Variants in ZDHHC20 observed in about 807,000 individuals in gnomAD.
ZDHHC20 encodes the protein zDHHC palmitoyltransferase 20.
ZDHHC20 carries 43 observed loss-of-function variants against 57.8 expected under a neutral mutation model. The observed-to-expected ratio is 0.74, with a 90% CI of 0.58 to 0.96. ZDHHC20 has a LOEUF of 0.96. ZDHHC20 is among the 40% of genes least tolerant of loss of function. ZDHHC20 has a pLI of 0.00. For synonymous variants in ZDHHC20, 157 were observed against 153.0 expected (o/e 1.03, Z -0.19); for missense variants, 391 against 441.1 (o/e 0.89, Z 1.02).
chr13:21,403,241 A>T lies in ZDHHC20; in HGVS notation c.371-375T>A, dbSNP rs142758662. On this transcript the variant is annotated intron_variant, in intron 4 of 12. Transcript: ENST00000400590. ...AATGCCTACAGTAATATCAAAATTT[A>T]GACTTTTAAGGCATCCTGTGGGATT... Among the ~76,000 whole-genome samples the T allele has an allele frequency of 2.3e-3, 344 of 152,208 alleles. 3 individuals carry two copies. Among genetic ancestry groups the T allele is most frequent in the African/African-American group, 7.8e-3 (325 of 41,524 alleles).
intron 4 of ZDHHC20, among the ~76,000 whole-genome samples, chr13:21,411,013 G>C (rs1879137899): frequency 6.6e-6 from 1 of 152,212 alleles, no homozygotes; most frequent in African/African-American, 2.4e-5. Context: ...GGAATCTCCT[G>C]GTCTGTGGGT....
intron 7 of ZDHHC20, among the ~76,000 whole-genome samples, chr13:21,394,607 T>C (rs1876435540): frequency 6.6e-6 from 1 of 152,232 alleles, no homozygotes; most frequent in Non-Finnish European, 1.5e-5. Context: ...AGTCTTTTTT[T>C]ACTCAGAATT....
Position 21,375,349 on chromosome 13 carries a change from GTGT to G in ZDHHC20, c.*1344_*1346del. ...GAAGCAATCAATTATTTTGGGGGGG[GTGT>G]GTGTGTGTGTGTGTCTGTCTGTCTA... On this transcript the variant is annotated 3_prime_UTR_variant, in exon 13 of 13. Coordinates refer to ENST00000400590, the MANE Select transcript of ZDHHC20 (RefSeq NM_001330059.2). The G allele has an allele frequency of 7.4e-6, 2 of 271,528 alleles. No individual in the cohort carries two copies. The highest frequency in any genetic ancestry group is 7.3e-6 in the Non-Finnish European group (1 of 137,152). 16.8% of individuals were successfully genotyped at this position (271,528 alleles called of 1,614,324 possible).
rs940587177 is a variant in ZDHHC20 at position 21,457,682 on chromosome 13, A to G, written c.118+1372T>C. Among the ~76,000 whole-genome samples, 7 of 152,228 alleles carry G rather than the reference A, an allele frequency of 4.6e-5. No homozygotes were observed. In the South Asian group the frequency reaches 1.2e-3, roughly 27 times the overall value. On this transcript the variant is annotated intron_variant, in intron 1 of 12. Coordinates refer to ENST00000400590, the MANE Select transcript of ZDHHC20 (RefSeq NM_001330059.2). ...TTTTAAAACTGGATGTTTTAATTTC[A>G]AAACTTATAAATTTTCTGAGCCAAA...
chr13:21,378,737 C>A lies in ZDHHC20; in HGVS notation c.1062G>T (p.Gly354=). The A allele has an allele frequency of 2.1e-6, 3 of 1,437,116 alleles. No individual in the cohort carries two copies. Among genetic ancestry groups the A allele is most frequent in the South Asian group, 1.6e-5 (1 of 62,030 alleles). The allele number at this position is 1,437,116 out of a possible 1,614,324, so 89.0% of individuals were successfully genotyped here. A position where few individuals can be genotyped will look rare whatever the true frequency, so the allele number is the denominator to read the frequency against. The change falls in exon 12 of 13, where the codon GGG becomes GGT. Residue 354 remains glycine, a splice_region_variant and synonymous_variant. Transcript: ENST00000400590. ...TTGCCACTGTTACATGGTTATTTGT[C>A]CCTGTAAGCATATAATTATATATGA... is the stretch of plus-strand genomic sequence containing the variant. ...NGAEEGIVKS[G]TNNHVTVAIE...
chr13:21,430,268 C>T (rs902425722), intron 1 of ZDHHC20, among the ~76,000 whole-genome samples: 24 of 151,992 alleles, frequency 1.6e-4, no homozygotes, highest in African/African-American at 5.6e-4. Context: ...AGGTGGGAGT[C>T]CAAGTCCCAG....
intron 3 of ZDHHC20, among the ~76,000 whole-genome samples, chr13:21,416,327 C>T (rs1330895953): frequency 1.3e-5 from 2 of 151,836 alleles, no homozygotes; most frequent in Non-Finnish European, 2.9e-5. Context: ...TCAAACAGAT[C>T]ATAATTTTGA....
chr13:21,376,703 C>T (rs1308742941), intron 12 of ZDHHC20, 48 bp from the exon 13 acceptor site: 3 of 1,261,784 alleles, frequency 2.4e-6, no homozygotes, highest in Non-Finnish European at 3.2e-6. Context: ...TTTTTTATTT[C>T]TGAAAATATT....
rs1873688119 is a variant in ZDHHC20, at chr13:21,382,926, G to A, written c.938C>T (p.Ala313Val). ...QASVTNQNEY[A>V]RSSGSNQPFP... ...ATAAGGACAATAAGCATACCTTCTG[G>A]CATACTCATTCTGGTTTGTAACAGA... The change falls in exon 10 of 13, where the codon GCC (alanine) becomes GTC (valine). Residue 313 changes from alanine (A) to valine (V), a missense_variant. This residue lies in a region of ZDHHC20 where 197 missense variants were observed against 220.8 expected (regional missense o/e 0.89). Coordinates refer to ENST00000400590, the MANE Select transcript of ZDHHC20 (RefSeq NM_001330059.2). The A allele has an allele frequency of 6.4e-7, 1 of 1,557,862 alleles. No individual in the cohort carries two copies. The highest frequency in any genetic ancestry group is 1.2e-5 in the South Asian group (1 of 84,320).
chr13:21,414,323 T>C (rs527474838), intron 3 of ZDHHC20, among the ~76,000 whole-genome samples: 2 of 150,520 alleles, frequency 1.3e-5, no homozygotes, highest in East Asian at 2.0e-4. Context: ...AAGGCAAGCA[T>C]AGTTGCCTTT....
In ZDHHC20 at chr13:21,421,153, C is replaced by T. The variant is rs1393831575; in HGVS notation, c.157G>A (p.Val53Ile). 1.2e-6 allele frequency: 2 copies of T among 1,612,792 alleles called. No individual in the cohort carries two copies. The highest frequency in any genetic ancestry group is 1.7e-6 in the Non-Finnish European group (2 of 1,179,424). The change falls in exon 3 of 13, where the codon GTT becomes ATT. Residue 53 changes from valine (V) to isoleucine (I), a missense_variant. Val to Ile is a conservative substitution (Grantham distance 29). This residue lies in a region of ZDHHC20 where 185 missense variants were observed against 188.0 expected (regional missense o/e 0.98). Transcript: ENST00000400590. ...FGNEENGKTV[V>I]YLVAFHLFFV... Reference sequence around the variant, plus strand: ...AACAGATGGAAAGCCACAAGGTAAACAACGGTCTTTCCTGGTAAATAAAAA... The same window carrying T: ...AACAGATGGAAAGCCACAAGGTAAATAACGGTCTTTCCTGGTAAATAAAAA...
chr13:21,440,629 A>AGT (rs764333057), intron 1 of ZDHHC20, among the ~76,000 whole-genome samples: 309 of 115,566 alleles, frequency 2.7e-3, no homozygotes, highest in East Asian at 0.012. Context: ...ACAAACAAAA[A>AGT]GTGTGTGTGT....
chr13:21,423,537 A>G (rs1880888887), intron 2 of ZDHHC20, among the ~76,000 whole-genome samples: 1 of 152,030 alleles, frequency 6.6e-6, no homozygotes, highest in South Asian at 2.1e-4. Context: ...AGCTGGGCGT[A>G]GTGGTGCACA....
rs551827342 is a variant in ZDHHC20, at chr13:21,382,667, A to C, written c.944+253T>G. Among the ~76,000 whole-genome samples the C allele has an allele frequency of 2.0e-5, 3 of 152,316 alleles. No homozygotes were observed. In the East Asian group the frequency reaches 5.8e-4, roughly 29 times the overall value. ...CAGACATTTCCAGCTTTATTTGATT[A>C]TCCTGGTTTAACTATTAATAAACAA... On this transcript the variant is annotated intron_variant, in intron 10 of 12. Transcript: ENST00000400590.
chr13:21,426,121 G>A (rs1346051613), intron 1 of ZDHHC20, among the ~76,000 whole-genome samples: 2 of 152,152 alleles, frequency 1.3e-5, no homozygotes, highest in African/African-American at 4.8e-5. Flanking sequence ...AACTTACCCT[G>A]CTAATTTTTA....
intron 1 of ZDHHC20, among the ~76,000 whole-genome samples, chr13:21,427,757 C>T (rs1006051790): frequency 6.6e-6 from 1 of 151,134 alleles, no homozygotes; most frequent in Non-Finnish European, 1.5e-5. Flanking sequence ...ATCACTTGAA[C>T]CCAGGGGGCA....
intron 12 of ZDHHC20, 48 bp from the exon 13 acceptor site, chr13:21,376,703 CT>C: frequency 3.2e-6 from 4 of 1,261,902 alleles, no homozygotes; most frequent in Non-Finnish European, 4.3e-6. Flanking sequence ...TTTTTTATTT[CT>C]GAAAATATTT....
At chr13:21,395,476 A>G (rs1472919356) in intron 7 of ZDHHC20, among the ~76,000 whole-genome samples, 2 of 146,928 alleles carry the variant, frequency 1.4e-5, no homozygotes, top group African/African-American at 5.0e-5. Context: ...TATATAAACC[A>G]TATTTTCTTC....
Position 21,402,790 on chromosome 13 carries a change from C to T in ZDHHC20, c.440+7G>A. 1 of 1,592,508 alleles carries T rather than the reference C, an allele frequency of 6.3e-7. No individual in the cohort carries two copies. Among genetic ancestry groups the T allele is most frequent in the Non-Finnish European group, 8.6e-7 (1 of 1,168,902 alleles). The stretch of plus-strand genomic sequence containing the variant: ...AGATATTAAGCATATGTGTGAGTAA[C>T]ACTTACGAGTCACAGGCTGAGCAGT... On this transcript the variant is annotated splice_region_variant and intron_variant, in intron 5 of 12. Transcript: ENST00000400590.
Sources: allele counts gnomAD v4.1 joint callset (sites outside exome capture counted in the v4.1 genomes callset), GRCh38; gene constraint gnomAD v4.1.1; regional missense constraint gnomAD v4.1.1; transcripts MANE v1.5; gene names NCBI Gene and HGNC (gene_info 2026-07-23, HGNC 2026-07-21).